The following UGT1A7 variants were observed in gnomAD, a reference collection of about 807,000 sequenced individuals.
The protein encoded by UGT1A7 is UDP-glucuronosyltransferase 1A7.
A neutral mutation model predicts 45.6 loss-of-function variants in UGT1A7; 33 were observed. That is an observed-to-expected ratio of 0.72 (90% CI 0.55 to 0.97). The LOEUF is 0.97. UGT1A7 is among the 50% of genes least tolerant of loss of function. UGT1A7 has a pLI of 0.00. For synonymous variants in UGT1A7, 274 were observed against 250.6 expected (o/e 1.09, Z -0.88); for missense variants, 684 against 666.2 (o/e 1.03, Z -0.29).
intron 1 of UGT1A7, chr2:233,717,994 C>T (rs1405290169): frequency 4.7e-6 from 2 of 423,448 alleles, no homozygotes; most frequent in Non-Finnish European, 4.8e-6. Context: ...TCAGACTGTG[C>T]AAGATCTGAG....
intron 1 of UGT1A7, among the ~76,000 whole-genome samples, chr2:233,725,693 A>G (rs2077467209): frequency 1.3e-5 from 2 of 152,246 alleles, no homozygotes; most frequent in African/African-American, 2.4e-5. Flanking sequence ...CTCAATAGTC[A>G]TATGTAGTTA....
At chr2:233,708,181 C>T (rs980822375) in intron 1 of UGT1A7, among the ~76,000 whole-genome samples, 3 of 152,162 alleles carry the variant, frequency 2.0e-5, no homozygotes, top group East Asian at 1.9e-4. Context: ...CTTACTGTGT[C>T]GTGCACATTT....
rs747717914 is a variant in UGT1A7, at chr2:233,682,294, A to G, written c.357A>G (p.Leu119=). The part of the protein sequence containing the change: ...LTSSSNGIFD[L]FFSNCRSLFN... ...GTTCATCCAATGGTATTTTTGACTTATTTTTTTCAAATTGCAGGAGTTTGT... is the reference window on the plus strand; with the variant it reads ...GTTCATCCAATGGTATTTTTGACTTGTTTTTTTCAAATTGCAGGAGTTTGT... The change falls in exon 1 of 5, where the codon TTA becomes TTG. Residue 119 remains leucine, a synonymous_variant. Coordinates refer to ENST00000373426, the MANE Select transcript of UGT1A7 (RefSeq NM_019077.3). 1.2e-6 allele frequency: 2 copies of G among 1,614,104 alleles called. No homozygotes were observed. Among genetic ancestry groups the G allele is most frequent in the Non-Finnish European group, 1.7e-6 (2 of 1,180,002 alleles).
chr2:233,727,904 A>G (rs1312363153), intron 1 of UGT1A7, among the ~76,000 whole-genome samples: 1 of 152,232 alleles, frequency 6.6e-6, no homozygotes, highest in Non-Finnish European at 1.5e-5. Flanking sequence ...CCAGGCAAGA[A>G]GACACAGGGG....
intron 1 of UGT1A7, among the ~76,000 whole-genome samples, chr2:233,701,639 A>C (rs146387920): frequency 0.018 from 2,734 of 152,308 alleles, 77 homozygotes; most frequent in African/African-American, 0.062. Context: ...ATTATAGCAA[A>C]CTGTCTCTCA....
At chr2:233,712,194 G>A (rs796216388) in intron 1 of UGT1A7, among the ~76,000 whole-genome samples, 8 of 152,168 alleles carry the variant, frequency 5.3e-5, no homozygotes, top group African/African-American at 1.2e-4. Context: ...CAGCTCCCCC[G>A]GTCCCTTGGT....
chr2:233,734,666 C>T (rs1294652179), intron 1 of UGT1A7, among the ~76,000 whole-genome samples: 1 of 152,056 alleles, frequency 6.6e-6, no homozygotes, highest in Non-Finnish European at 1.5e-5. Context: ...TATAAATTTC[C>T]CTCTACACAC....
chr2:233,765,700 A>T (rs963177783), intron 1 of UGT1A7, among the ~76,000 whole-genome samples: 1 of 146,346 alleles, frequency 6.8e-6, no homozygotes, highest in African/African-American at 2.7e-5. Flanking sequence ...AGTAAATAAT[A>T]ATAATAATAA....
At chr2:233,708,509 T>A (rs2076021555) in intron 1 of UGT1A7, 1 of 152,230 alleles carries the variant, frequency 6.6e-6, no homozygotes, top group South Asian at 2.1e-4. Context: ...CCCAGCACTT[T>A]GCGGGGCCGA....
At chr2:233,752,443 A>C (rs2125915696) in intron 1 of UGT1A7, 1 of 152,338 alleles carries the variant, frequency 6.6e-6, no homozygotes, top group Non-Finnish European at 1.5e-5. Flanking sequence ...CTTTTATAAA[A>C]GATGAATACC....
intron 1 of UGT1A7, among the ~76,000 whole-genome samples, chr2:233,717,477 G>T (rs551633792): frequency 6.6e-6 from 1 of 152,346 alleles, no homozygotes; most frequent in East Asian, 1.9e-4. Context: ...TGTGTCCAAA[G>T]GTGGAATCTG....
chr2:233,748,526 A>G (rs1693963242), intron 1 of UGT1A7, among the ~76,000 whole-genome samples: 1 of 151,860 alleles, frequency 6.6e-6, no homozygotes, highest in South Asian at 2.1e-4. Context: ...CGAATGATAG[A>G]GAGGTGACCA....
chr2:233,693,756 C>T, intron 1 of UGT1A7: 1 of 1,614,248 alleles, frequency 6.2e-7, no homozygotes, highest in Admixed American at 1.7e-5. Context: ...CAGAAGGTCT[C>T]TGTTTGGCTG....
intron 1 of UGT1A7, among the ~76,000 whole-genome samples, chr2:233,684,999 G>T (rs1188810148): frequency 1.3e-5 from 2 of 152,102 alleles, no homozygotes; most frequent in Non-Finnish European, 2.9e-5. Context: ...TGTGTATGTG[G>T]TGTTTGTGCA....
Position 233,756,181 on chromosome 2 carries a change from G to A in UGT1A7, c.856-10853G>A, listed in dbSNP as rs998894236. 3.9e-5 allele frequency: 6 copies of A among 152,158 alleles called. No homozygotes were observed. In the South Asian group the frequency reaches 6.2e-4, roughly 16 times the overall value. The allele number at this position is 152,158 out of a possible 1,614,324, so 9.4% of individuals were successfully genotyped here. ...TTTCCTGGCTCATACTTTGAGAATC[G>A]CTAGTCTAGCAGAGTAGTCCCTGGT... is the stretch of plus-strand genomic sequence containing the variant. On this transcript the variant is annotated intron_variant, in intron 1 of 4. Coordinates refer to ENST00000373426, the MANE Select transcript of UGT1A7 (RefSeq NM_019077.3).
chr2:233,752,825 T>C (rs1254190294), intron 1 of UGT1A7, among the ~76,000 whole-genome samples: 1 of 152,218 alleles, frequency 6.6e-6, no homozygotes, highest in African/African-American at 2.4e-5. Context: ...ATTTATGACA[T>C]CAGTAATCTA....
chr2:233,744,011 C>G, intron 1 of UGT1A7: 1 of 1,116,884 alleles, frequency 9.0e-7, no homozygotes, highest in South Asian at 1.5e-5. Flanking sequence ...AGACCTGGGC[C>G]GCCTGGAGAG....
At chr2:233,729,583 C>T (rs1274615489) in intron 1 of UGT1A7, 17 of 1,613,918 alleles carry the variant, frequency 1.1e-5, no homozygotes, top group Non-Finnish European at 1.4e-5. Flanking sequence ...TTTAACAGAC[C>T]CCGTTAACCT....
intron 1 of UGT1A7, among the ~76,000 whole-genome samples, chr2:233,694,329 G>A (rs2075215054): frequency 6.6e-6 from 1 of 151,356 alleles, no homozygotes; most frequent in Admixed American, 6.6e-5. Context: ...TTTATGTTGA[G>A]ACCTGTTTTT....
Sources: gnomAD v4.1 joint callset for allele counts (sites outside exome capture counted in the v4.1 genomes callset) on GRCh38, gnomAD v4.1.1 for gene constraint, MANE v1.5 for transcripts, NCBI Gene and HGNC (gene_info 2026-07-23, HGNC 2026-07-21) for gene names.